Variants in HMG20A observed in about 807,000 individuals in gnomAD.
HMG20A encodes the protein high mobility group 20A, also known as high mobility group protein 20A.
In HMG20A, 17 loss-of-function variants were observed where a neutral mutation model predicts 43.9. That is an observed-to-expected ratio of 0.39 (90% CI 0.27 to 0.58). The LOEUF (loss-of-function observed/expected upper bound fraction) is 0.58. HMG20A is among the 20% of genes least tolerant of loss of function. The pLI, the probability that HMG20A is intolerant of heterozygous loss-of-function variation, is 0.59. For missense variants in HMG20A, 341 were observed against 438.2 expected, an observed-to-expected ratio of 0.78 and a Z score of 1.98; for synonymous variants, 132 against 147.5, an observed-to-expected ratio of 0.89 and a Z score of 0.76.
rs1302402751 is a variant in HMG20A, at chr15:77,459,906, T to G, written c.89+1410T>G. Among the ~76,000 whole-genome samples, 3 of 152,128 alleles carry G rather than the reference T, an allele frequency of 2.0e-5. No homozygotes were observed. The East Asian group carries it at 5.8e-4, about 29-fold the overall frequency. On this transcript the variant is annotated intron_variant, in intron 2 of 9. Coordinates refer to ENST00000336216, the MANE Select transcript of HMG20A (RefSeq NM_001304504.2). ...GCTGGTATGAGGCCCATACTTTGGG[T>G]AAGAAGAGACTAGATCATAGGGATC...
At chr15:77,470,282 TCA>T (rs2072795232) in intron 4 of HMG20A, among the ~76,000 whole-genome samples, 1 of 152,204 alleles carries the variant, frequency 6.6e-6, no homozygotes, top group Non-Finnish European at 1.5e-5. Context: ...TCCTGGTAGA[TCA>T]ATGAACTTTG....
In HMG20A at chr15:77,479,182, G is replaced by A; in HGVS notation, c.911G>A (p.Ser304Asn). The change falls in exon 9 of 10, where the codon AGT (serine) becomes AAT (asparagine). Residue 304 changes from serine to asparagine, a missense_variant. Ser to Asn is a conservative substitution (Grantham distance 46). Coordinates refer to ENST00000336216, the MANE Select transcript of HMG20A (RefSeq NM_001304504.2). ...CTTTCTTCTTATCTCACTTCAGGAA[G>A]TGGAGAGACACCTACAGTGGACACC... ...SSFASMPLPG[S>N]GETPTVDTID... 1 of 1,613,448 alleles carries A rather than the reference G, an allele frequency of 6.2e-7. No individual in the cohort carries two copies. The highest frequency in any genetic ancestry group is 8.5e-7 in the Non-Finnish European group (1 of 1,179,388).
chr15:77,500,982 T>G, the HMG20A span, among the ~76,000 whole-genome samples: 1 of 152,238 alleles, frequency 6.6e-6, no homozygotes, highest in South Asian at 2.1e-4. Flanking sequence ...GCACCCATTC[T>G]GTGATGCTTT....
At chr15:77,433,586 C>T (rs1164007383) in intron 1 of HMG20A, among the ~76,000 whole-genome samples, 1 of 152,130 alleles carries the variant, frequency 6.6e-6, no homozygotes, top group Non-Finnish European at 1.5e-5. Context: ...AATATAGGAA[C>T]TCTAAAAGAA....
At chr15:77,480,280 G>T (rs2072894208) in intron 9 of HMG20A, among the ~76,000 whole-genome samples, 1 of 151,972 alleles carries the variant, frequency 6.6e-6, no homozygotes, top group South Asian at 2.1e-4. Context: ...CTGGGTGACA[G>T]AGCAAGACAC....
At chr15:77,500,563 CTTT>C in the HMG20A span, among the ~76,000 whole-genome samples, 3 of 144,684 alleles carry the variant, frequency 2.1e-5, no homozygotes, top group African/African-American at 2.6e-5. Flanking sequence ...CCTCCCTGTT[CTTT>C]TTTTTTTTTT....
chr15:77,461,907 G>A (rs537978732), intron 2 of HMG20A, among the ~76,000 whole-genome samples: 5 of 152,156 alleles, frequency 3.3e-5, no homozygotes, highest in Non-Finnish European at 5.9e-5. Flanking sequence ...GCACTGCAGA[G>A]ATCAAACTGG....
chr15:77,506,073 C>CAAA, the HMG20A span, among the ~76,000 whole-genome samples: 20 of 69,702 alleles, frequency 2.9e-4, no homozygotes, highest in African/African-American at 8.5e-4. Context: ...GTAGAGTTAG[C>CAAA]AAAAAAAAAA....
intron 1 of HMG20A, among the ~76,000 whole-genome samples, chr15:77,446,535 C>T (rs1043306339): frequency 1.4e-4 from 22 of 152,082 alleles, no homozygotes; most frequent in African/African-American, 4.1e-4. Context: ...TGGCTGGGTG[C>T]GGTGGCTCAC....
the HMG20A span, among the ~76,000 whole-genome samples, chr15:77,505,447 GACA>G: frequency 1.3e-3 from 200 of 152,270 alleles, 2 homozygotes; most frequent in African/African-American, 4.6e-3. Context: ...GTCGTGTAGG[GACA>G]GCATGCTGAG....
At chr15:77,465,186 C>T (rs748759451) in intron 3 of HMG20A, among the ~76,000 whole-genome samples, 17 of 132,880 alleles carry the variant, frequency 1.3e-4, no homozygotes, top group Admixed American at 3.6e-4. Context: ...CTCTTGAACC[C>T]GGAGGCAGAG....
chr15:77,475,796 G>A (rs1232708303), intron 6 of HMG20A, among the ~76,000 whole-genome samples: 1 of 152,166 alleles, frequency 6.6e-6, no homozygotes, highest in Non-Finnish European at 1.5e-5. Context: ...GCGAAATATG[G>A]CTAAGATTCC....
At chr15:77,506,990 A>G in the HMG20A span, among the ~76,000 whole-genome samples, 2 of 152,232 alleles carry the variant, frequency 1.3e-5, no homozygotes, top group Non-Finnish European at 2.9e-5. Context: ...TTAACACTTG[A>G]ATCCGTAGAC....
rs370785663 is a variant in HMG20A, at chr15:77,465,898, C to T, written c.238-1197C>T. 2.4e-4 allele frequency among the ~76,000 whole-genome samples: 36 copies of T among 152,136 alleles called. No homozygotes were observed. The East Asian group carries it at 2.9e-3, about 12-fold the overall frequency. ...TGTATCCATGAAATATTAACTGATA[C>T]GGCTGTATTTGTAAAATTATGAAGT... On this transcript the variant is annotated intron_variant, in intron 3 of 9. Transcript: ENST00000336216.
At chr15:77,475,214 C>T (rs912083178) in intron 6 of HMG20A, among the ~76,000 whole-genome samples, 3 of 152,142 alleles carry the variant, frequency 2.0e-5, no homozygotes, top group South Asian at 4.1e-4. Context: ...CTCTCCATGC[C>T]GTGAAATGTG....
the HMG20A span, among the ~76,000 whole-genome samples, chr15:77,500,662 G>A: frequency 2.0e-5 from 3 of 150,594 alleles, no homozygotes; most frequent in East Asian, 3.9e-4. Flanking sequence ...TCCGCCTCCC[G>A]AGTTCAAGCG....
chr15:77,435,451 A>G (rs1400499802), intron 1 of HMG20A, among the ~76,000 whole-genome samples: 8 of 151,756 alleles, frequency 5.3e-5, no homozygotes, highest in Non-Finnish European at 1.2e-4. Flanking sequence ...GCCTGGCTAA[A>G]TTCTTTTATT....
chr15:77,513,591 T>C, the HMG20A span, among the ~76,000 whole-genome samples: 2 of 152,176 alleles, frequency 1.3e-5, no homozygotes, highest in Admixed American at 6.5e-5. Flanking sequence ...TGGTGAGTCC[T>C]CTCTCTCTGG....
downstream of HMG20A, among the ~76,000 whole-genome samples, chr15:77,488,027 C>G (rs1471233839): frequency 6.6e-6 from 1 of 152,158 alleles, no homozygotes; most frequent in Non-Finnish European, 1.5e-5. Flanking sequence ...TGTAAATTCT[C>G]TTAGCTTAGT....
Sources: gnomAD v4.1 joint callset for allele counts (sites outside exome capture counted in the v4.1 genomes callset) on GRCh38, gnomAD v4.1.1 for gene constraint, MANE v1.5 for transcripts, NCBI Gene and HGNC (gene_info 2026-07-23, HGNC 2026-07-21) for gene names.